Variants in EML6 observed in about 807,000 individuals in gnomAD.
EML6 encodes the protein EMAP like 6, also known as echinoderm microtubule-associated protein-like 6.
A neutral mutation model predicts 240.1 loss-of-function variants in EML6; 154 were observed. The ratio of observed to expected loss-of-function variants is 0.64; its 90% CI spans 0.56 to 0.73. The LOEUF (loss-of-function observed/expected upper bound fraction) is 0.73, where lower values mean the gene tolerates loss of function less well. Among genes scored for constraint, EML6 ranks in the 30% least tolerant of loss-of-function variants. EML6 has a pLI of 0.00. For synonymous variants in EML6, 1,148 were observed against 899.0 expected (o/e 1.28, Z -4.95); for missense variants, 2,964 against 2,474.6 (o/e 1.20, Z -4.20).
At chr2:54,878,849 T>C (rs1671662039) in intron 16 of EML6, among the ~76,000 whole-genome samples, 1 of 152,214 alleles carries the variant, frequency 6.6e-6, no homozygotes, top group Non-Finnish European at 1.5e-5. Flanking sequence ...ATTCTGGTAT[T>C]GTTTTTTCTA....
At chr2:54,838,557 T>C (rs1171762641) in intron 7 of EML6, among the ~76,000 whole-genome samples, 2 of 152,166 alleles carry the variant, frequency 1.3e-5, no homozygotes, top group African/African-American at 4.8e-5. Flanking sequence ...TGAGGTCTGA[T>C]TTGATATTCA....
intron 26 of EML6, among the ~76,000 whole-genome samples, chr2:54,922,580 T>C (rs990522553): frequency 6.7e-6 from 1 of 148,628 alleles, no homozygotes; most frequent in African/African-American, 2.5e-5. Flanking sequence ...CTTGAAGAGA[T>C]ATCTACACCA....
Position 54,961,184 on chromosome 2 carries a change from G to GTTTTTT in EML6, c.4968+864_4968+869dup, listed in dbSNP as rs575621987. Among the ~76,000 whole-genome samples the GTTTTTT allele has an allele frequency of 1.4e-4, 8 of 55,410 alleles. 1 individual carries two copies. The highest frequency in any genetic ancestry group is 5.7e-4 in the African/African-American group (7 of 12,368). 36.4% of individuals were successfully genotyped at this position (55,410 alleles called of 152,430 possible). On this transcript the variant is annotated intron_variant, in intron 35 of 41. Transcript: ENST00000356458. ...GGAGCCTGGAAGTTATCAGGAAGTA[G>GTTTTTT]TTTTTTTTTTTTTTTTTTTGAGACG...
At chr2:54,728,755 A>T (rs964158506) in intron 2 of EML6, among the ~76,000 whole-genome samples, 1 of 152,240 alleles carries the variant, frequency 6.6e-6, no homozygotes, top group Non-Finnish European at 1.5e-5. Context: ...ACACACCCCC[A>T]GAACAAAACA....
At chr2:54,906,203 T>C (rs1173995388) in intron 24 of EML6, among the ~76,000 whole-genome samples, 5 of 152,376 alleles carry the variant, frequency 3.3e-5, no homozygotes, top group African/African-American at 1.2e-4. Flanking sequence ...TATGTGTTTA[T>C]TTTGATAATA....
chr2:54,967,050 GC>G lies in EML6; in HGVS notation c.5545del (p.Gln1849ArgfsTer2). The G allele has an allele frequency of 6.4e-7, 1 of 1,551,538 alleles. No individual in the cohort carries two copies. Among genetic ancestry groups the G allele is most frequent in the Non-Finnish European group, 8.7e-7 (1 of 1,146,892 alleles). ...RQVHEVPLGK[Q>X]VTEAVVIEKI... The stretch of plus-strand genomic sequence containing the variant: ...AGGTGCATGAGGTCCCCCTGGGGAA[GC>G]AGGTAACTGAAGCCGTGGTCATTGA... On this transcript the variant is annotated frameshift_variant, in exon 39 of 42. Coordinates refer to ENST00000356458, the MANE Select transcript of EML6 (RefSeq NM_001039753.4). LOFTEE classifies it high-confidence loss of function.
At chr2:54,938,885 T>C (rs1675285556) in intron 28 of EML6, among the ~76,000 whole-genome samples, 1 of 152,216 alleles carries the variant, frequency 6.6e-6, no homozygotes, top group Admixed American at 6.5e-5. Context: ...TTTCTGTTGG[T>C]GGGAGACCTG....
In EML6 at chr2:54,894,151, CATTAA is replaced by C. The variant is rs1290281461; in HGVS notation, c.2743-757_2743-753del. Among the ~76,000 whole-genome samples the C allele has an allele frequency of 1.9e-4, 28 of 149,932 alleles. No homozygotes were observed. The East Asian group carries it at 2.8e-3, about 15-fold the overall frequency. ...TTTCTTTGTAAACTTCATAAAAATG[CATTAA>C]ATTAAAAGTTGCTAAGAAAGCAGTG... On this transcript the variant is annotated intron_variant, in intron 19 of 41. Coordinates refer to ENST00000356458, the MANE Select transcript of EML6 (RefSeq NM_001039753.4).
chr2:54,803,454 A>G (rs1670289575), intron 2 of EML6, among the ~76,000 whole-genome samples: 1 of 152,114 alleles, frequency 6.6e-6, no homozygotes, highest in Non-Finnish European at 1.5e-5. Flanking sequence ...ACCTTCGTCA[A>G]GCCACCCTAG....
intron 5 of EML6, among the ~76,000 whole-genome samples, chr2:54,825,563 G>C (rs902561646): frequency 1.3e-5 from 2 of 152,082 alleles, no homozygotes; most frequent in African/African-American, 4.8e-5. Flanking sequence ...GCACCTGGCT[G>C]CTTTATTATT....
At chr2:54,892,029 C>A (rs1331426145) in intron 18 of EML6, among the ~76,000 whole-genome samples, 1 of 151,888 alleles carries the variant, frequency 6.6e-6, no homozygotes, top group African/African-American at 2.4e-5. Context: ...CTATTTTTAT[C>A]GTTTTTGGTC....
intron 16 of EML6, among the ~76,000 whole-genome samples, chr2:54,875,797 A>T (rs1056969366): frequency 6.6e-6 from 1 of 152,238 alleles, no homozygotes; most frequent in East Asian, 1.9e-4. Flanking sequence ...CCGTGAGGAA[A>T]GTGCTTCCAT....
rs575621987 is a variant in EML6 at position 54,961,184 on chromosome 2, G to GTTTTTTTTTTTT, written c.4968+858_4968+869dup. ...GGAGCCTGGAAGTTATCAGGAAGTA[G>GTTTTTTTTTTTT]TTTTTTTTTTTTTTTTTTTGAGACG... is the stretch of plus-strand genomic sequence containing the variant. On this transcript the variant is annotated intron_variant, in intron 35 of 41. Coordinates refer to ENST00000356458, the MANE Select transcript of EML6 (RefSeq NM_001039753.4). Among the ~76,000 whole-genome samples the GTTTTTTTTTTTT allele has an allele frequency of 1.3e-4, 7 of 55,408 alleles. 1 individual carries two copies. Among genetic ancestry groups the GTTTTTTTTTTTT allele is most frequent in the African/African-American group, 1.6e-4 (2 of 12,366 alleles). 36.3% of individuals were successfully genotyped at this position (55,408 alleles called of 152,430 possible).
intron 2 of EML6, among the ~76,000 whole-genome samples, chr2:54,793,231 C>T (rs901977172): frequency 2.0e-5 from 3 of 152,142 alleles, no homozygotes; most frequent in African/African-American, 7.2e-5. Flanking sequence ...TGCACCACTG[C>T]ATTCCAGCCT....
chr2:54,883,896 C>T (rs754291539), intron 17 of EML6, among the ~76,000 whole-genome samples: 1 of 152,158 alleles, frequency 6.6e-6, no homozygotes, highest in Non-Finnish European at 1.5e-5. Context: ...ACAGAAATAA[C>T]CTTGGTGTTT....
chr2:54,848,111 C>T (rs1244979560), intron 9 of EML6, among the ~76,000 whole-genome samples: 1 of 152,104 alleles, frequency 6.6e-6, no homozygotes, highest in South Asian at 2.1e-4. Flanking sequence ...CACCCAACAG[C>T]ACCAGATGTT....
chr2:54,957,768 C>G (rs761781243), intron 32 of EML6, 22 bp from the exon 33 acceptor site: 3 of 1,548,640 alleles, frequency 1.9e-6, no homozygotes, highest in Admixed American at 3.9e-5. Flanking sequence ...AGGAGCCTCA[C>G]TGGACTCTGT....
At chr2:54,796,097 G>T (rs988612720) in intron 2 of EML6, among the ~76,000 whole-genome samples, 1 of 151,854 alleles carries the variant, frequency 6.6e-6, no homozygotes, top group African/African-American at 2.4e-5. Context: ...GATTTCAAAA[G>T]ATTCTGAAGG....
intron 17 of EML6, among the ~76,000 whole-genome samples, chr2:54,889,353 T>C (rs909244263): frequency 6.6e-6 from 1 of 151,960 alleles, no homozygotes; most frequent in Non-Finnish European, 1.5e-5. Context: ...CCGTGGTCTT[T>C]TTATTGGAAC....
Sources: gnomAD v4.1 joint callset for allele counts (sites outside exome capture counted in the v4.1 genomes callset) on GRCh38, gnomAD v4.1.1 for gene constraint, MANE v1.5 for transcripts, NCBI Gene and HGNC (gene_info 2026-07-23, HGNC 2026-07-21) for gene names.